Variants in APC2 observed in about 807,000 individuals in gnomAD.
APC2 encodes the protein APC regulator of Wnt signaling pathway 2.
A neutral mutation model predicts 72.5 loss-of-function variants in APC2; 41 were observed. The ratio of observed to expected loss-of-function variants is 0.57; its 90% CI spans 0.44 to 0.73. APC2 has a LOEUF of 0.73. APC2 is among the 30% of genes least tolerant of loss of function. APC2 has a pLI of 0.00. For synonymous variants in APC2, 1,898 were observed against 1,612.0 expected, an observed-to-expected ratio of 1.18 and a Z score of -4.25; for missense variants, 3,729 against 3,403.4, an observed-to-expected ratio of 1.10 and a Z score of -2.38.
rs370778311 is a variant in APC2, at chr19:1,468,956, C to T, written c.5655C>T (p.Pro1885=). 3.2e-4 allele frequency: 493 copies of T among 1,556,238 alleles called. No individual in the cohort carries two copies. The highest frequency in any genetic ancestry group is 1.9e-3 in the Middle Eastern group (10 of 5,210). ...SSSQTSPASQ[P]LPRKRPPVTQ... is the part of the protein sequence containing the mutation. ...CCCAGACCTCGCCCGCCTCCCAGCC[C>T]CTGCCCAGAAAGCGCCCCCCGGTCA... is the stretch of plus-strand genomic sequence containing the variant. The change falls in exon 15 of 15, where the codon CCC becomes CCT. Residue 1885 remains proline (P), a synonymous_variant. Transcript: ENST00000590469.
Position 1,465,549 on chromosome 19 carries a change from G to A in APC2, c.2248G>A (p.Ala750Thr). The change falls in exon 15 of 15, where the codon GCC (alanine) becomes ACC (threonine). Residue 750 changes from alanine to threonine, a missense_variant. By Grantham distance (58) the Ala-to-Thr change is moderately conservative (BLOSUM62 0). Transcript: ENST00000590469. ...CCTGGAGAAGCAGGGCCCGCCGGCAGCCGAGGCCGCCACTAAGAAGCCGCT... is the reference window on the plus strand; with the variant it reads ...CCTGGAGAAGCAGGGCCCGCCGGCAACCGAGGCCGCCACTAAGAAGCCGCT... ...EHLEKQGPPA[A>T]EAATKKPLPP... is the part of the protein sequence containing the mutation. The A allele has an allele frequency of 6.5e-7, 1 of 1,536,238 alleles. No individual in the cohort carries two copies. Among genetic ancestry groups the A allele is most frequent in the South Asian group, 1.2e-5 (1 of 83,130 alleles).
intron 14 of APC2, 136 bp downstream of exon 14, chr19:1,462,313 C>A (rs1477719317): frequency 1.3e-6 from 1 of 785,142 alleles, no homozygotes; most frequent in Non-Finnish European, 2.0e-6. Context: ...ATAAATACGT[C>A]CCAAATACTG....
chr19:1,467,053 G>T lies in APC2; in HGVS notation c.3752G>T (p.Arg1251Leu). ...LDIADCRERC[R>L]LPSELDAGSV... ...ATCGCCGACTGCCGGGAGCGCTGCC[G>T]GCTGCCATCTGAGCTGGACGCAGGC... The change falls in exon 15 of 15, where the codon CGG becomes CTG. Residue 1251 changes from arginine (R) to leucine (L), a missense_variant. Coordinates refer to ENST00000590469, the MANE Select transcript of APC2 (RefSeq NM_005883.3). 6.2e-7 allele frequency: 1 copy of T among 1,611,826 alleles called. No homozygotes were observed. The highest frequency in any genetic ancestry group is 8.5e-7 in the Non-Finnish European group (1 of 1,179,676).
rs764984836 is a variant in APC2, at chr19:1,468,022, C to T, written c.4721C>T (p.Pro1574Leu). The T allele has an allele frequency of 1.9e-6, 3 of 1,585,366 alleles. No homozygotes were observed. The highest frequency in any genetic ancestry group is 1.7e-6 in the Non-Finnish European group (2 of 1,174,632). The change falls in exon 15 of 15, where the codon CCG becomes CTG. Residue 1574 changes from proline (P) to leucine (L), a missense_variant. By Grantham distance (98) the Pro-to-Leu change is moderately conservative. Transcript: ENST00000590469. ...TQPSLIADETPPCYSLSSSAS... is the reference protein window; with the variant it reads ...TQPSLIADETLPCYSLSSSAS... ...CCCAGCCTCATTGCTGACGAGACCC[C>T]GCCCTGCTACTCCCTGAGCTCCTCC... is the stretch of plus-strand genomic sequence containing the variant.
intron 14 of APC2, 67 bp downstream of exon 14, chr19:1,462,244 G>C: frequency 2.1e-6 from 3 of 1,425,290 alleles, no homozygotes; most frequent in Non-Finnish European, 2.8e-6. Context: ...GCTGGGCTGG[G>C]CACTGTCCTC....
At position 1,469,284 on chromosome 19, in the gene APC2, C is replaced by T; in HGVS notation, c.5983C>T (p.Leu1995=). 1 of 1,423,600 alleles carries T rather than the reference C, an allele frequency of 7.0e-7. No homozygotes were observed. Among genetic ancestry groups the T allele is most frequent in the East Asian group, 3.4e-5 (1 of 29,464 alleles). 88.2% of individuals were successfully genotyped at this position (1,423,600 alleles called of 1,614,324 possible). ...SSDRSGFRRQ[L]TFIKESPGLR... is the part of the protein sequence containing the mutation. Reference sequence around the variant, plus strand: ...CGACCGCTCGGGCTTCCGGCGACAGCTAACCTTCATCAAGGAGTCGCCGGG... The same window carrying T: ...CGACCGCTCGGGCTTCCGGCGACAGTTAACCTTCATCAAGGAGTCGCCGGG... Residue 1995 remains leucine, a synonymous_variant, in exon 15 of 15, where the codon CTA becomes TTA. Transcript: ENST00000590469.
At chr19:1,463,416 CAA>C (rs77093731) in intron 14 of APC2, among the ~76,000 whole-genome samples, 15 of 98,548 alleles carry the variant, frequency 1.5e-4, no homozygotes, top group Admixed American at 3.4e-4. Context: ...GACTCTGTCT[CAA>C]AAAAAAAAAA....
intron 14 of APC2, among the ~76,000 whole-genome samples, chr19:1,464,322 A>T (rs2083971209): frequency 6.6e-6 from 1 of 152,072 alleles, no homozygotes; most frequent in Admixed American, 6.6e-5. Flanking sequence ...AAAAAAAAAA[A>T]TTATTAAAAT....
At chr19:1,464,781 C>G (rs1244169712) in intron 14 of APC2, among the ~76,000 whole-genome samples, 3 of 151,376 alleles carry the variant, frequency 2.0e-5, no homozygotes, top group South Asian at 2.1e-4. Context: ...TACAGGTGCT[C>G]GCCACCACAC....
rs1306855898 is a variant in APC2 at position 1,458,009 on chromosome 19, G to A, written c.1252G>A (p.Val418Ile). The A allele has an allele frequency of 3.2e-6, 5 of 1,567,344 alleles. No individual in the cohort carries two copies. The highest frequency in any genetic ancestry group is 3.8e-5 in the Admixed American group (2 of 52,524). ...EPQICQATCA[V>I]MKLSFDEEYR... ...GCAGATCTGCCAGGCCACCTGTGCT[G>A]TTATGAAGCTGTCCTTTGATGAGGA... Residue 418 changes from valine to isoleucine, a missense_variant, in exon 10 of 15, where the codon GTT becomes ATT. Physicochemically the swap from Val to Ile is conservative, Grantham distance 29 (BLOSUM62 3). Transcript: ENST00000590469.
upstream of APC2, among the ~76,000 whole-genome samples, chr19:1,447,449 C>A (rs111747154): frequency 2.2e-4 from 33 of 152,236 alleles, no homozygotes; most frequent in African/African-American, 7.5e-4. Context: ...CCCTTTAGCC[C>A]AGCAGCAGTA....
At position 1,468,988 on chromosome 19, in the gene APC2, C is replaced by T. The variant is rs768481261; in HGVS notation, c.5687C>T (p.Ala1896Val). The part of the protein sequence containing the change: ...LPRKRPPVTQ[A>V]AGALPGPGAS... ...AGAAAGCGCCCCCCGGTCACCCAGGCTGCTGGGGCCCTGCCCGGCCCCGGA... is the reference window on the plus strand; with the variant it reads ...AGAAAGCGCCCCCCGGTCACCCAGGTTGCTGGGGCCCTGCCCGGCCCCGGA... Residue 1896 changes from alanine to valine, a missense_variant, in exon 15 of 15, where the codon GCT becomes GTT. Transcript: ENST00000590469. 1.3e-6 allele frequency: 2 copies of T among 1,560,494 alleles called. No individual in the cohort carries two copies. Among genetic ancestry groups the T allele is most frequent in the Non-Finnish European group, 1.7e-6 (2 of 1,158,232 alleles).
rs918766706 is a variant in APC2 at position 1,469,378 on chromosome 19, C to G, written c.6077C>G (p.Pro2026Arg). ...SAASAPQGAS[P>R]RRGRPALPAV... The stretch of plus-strand genomic sequence containing the variant: ...GCCTCTGCCCCCCAGGGCGCCTCGC[C>G]CCGCCGCGGCCGGCCCGCGCTGCCC... The change falls in exon 15 of 15, where the codon CCC becomes CGC. Residue 2026 changes from proline to arginine, a missense_variant. Transcript: ENST00000590469. 6 of 1,231,734 alleles carry G rather than the reference C, an allele frequency of 4.9e-6. No individual in the cohort carries two copies. In the African/African-American group the frequency reaches 9.6e-5, roughly 20 times the overall value. 76.3% of individuals were successfully genotyped at this position (1,231,734 alleles called of 1,614,324 possible).
In APC2 at chr19:1,456,116, T is replaced by C. The variant is rs1384148101; in HGVS notation, c.680T>C (p.Leu227Pro). The C allele has an allele frequency of 3.1e-6, 5 of 1,592,236 alleles. No individual in the cohort carries two copies. The highest frequency in any genetic ancestry group is 4.3e-6 in the Non-Finnish European group (5 of 1,171,850). ...CTGGAGCAGATTGACAAGGAGCTGCTGGAGGCGCAGGACCGAGTGCAGCAG... is the reference window on the plus strand; with the variant it reads ...CTGGAGCAGATTGACAAGGAGCTGCCGGAGGCGCAGGACCGAGTGCAGCAG... ...SRLEQIDKELLEAQDRVQQTE... is the reference protein window; with the variant it reads ...SRLEQIDKELPEAQDRVQQTE... Residue 227 changes from leucine to proline, a missense_variant, in exon 7 of 15, where the codon CTG becomes CCG. By Grantham distance (98) the Leu-to-Pro change is moderately conservative. Coordinates refer to ENST00000590469, the MANE Select transcript of APC2 (RefSeq NM_005883.3).
At position 1,460,834 on chromosome 19, in the gene APC2, T is replaced by A; in HGVS notation, c.1498T>A (p.Ser500Thr). The change falls in exon 12 of 15, where the codon TCC (serine) becomes ACC (threonine). Residue 500 changes from serine (S) to threonine (T), a missense_variant. Transcript: ENST00000590469. ...CMEAIVAQLASDSEELHQVVS... is the reference protein window; with the variant it reads ...CMEAIVAQLATDSEELHQVVS... ...GGAGGCCATCGTGGCCCAGCTGGCC[T>A]CCGACAGTGAGGAGCTCCACCAGGT... 1 of 1,613,158 alleles carries A rather than the reference T, an allele frequency of 6.2e-7. No homozygotes were observed. The highest frequency in any genetic ancestry group is 8.5e-7 in the Non-Finnish European group (1 of 1,179,948).
intron 13 of APC2, 100 bp from the exon 14 acceptor site, chr19:1,461,863 A>AT: frequency 9.6e-7 from 1 of 1,038,286 alleles, no homozygotes; most frequent in South Asian, 1.7e-5. Context: ...AAAAAAAAAA[A>AT]CAAAAAACAA....
In APC2 at chr19:1,459,473, C is replaced by G. The variant is rs765953337; in HGVS notation, c.1304-708C>G. Among the ~76,000 whole-genome samples, 6 of 152,180 alleles carry G rather than the reference C, an allele frequency of 3.9e-5. No homozygotes were observed. The South Asian group carries it at 1.2e-3, about 32-fold the overall frequency. ...TCCTATGGATGCTCTAGCTGCCCCC[C>G]ACTCCTGGCTCTGTGAATCGTGCTG... On this transcript the variant is annotated intron_variant, in intron 10 of 14. Transcript: ENST00000590469.
At position 1,466,380 on chromosome 19, in the gene APC2, A is replaced by C. The variant is rs1362932233; in HGVS notation, c.3079A>C (p.Lys1027Gln). 1 of 1,589,002 alleles carries C rather than the reference A, an allele frequency of 6.3e-7. No individual in the cohort carries two copies. The highest frequency in any genetic ancestry group is 1.7e-5 in the Admixed American group (1 of 59,160). The change falls in exon 15 of 15, where the codon AAG becomes CAG. Residue 1027 changes from lysine to glutamine, a missense_variant. By Grantham distance (53) the Lys-to-Gln change is moderately conservative (BLOSUM62 1). Coordinates refer to ENST00000590469, the MANE Select transcript of APC2 (RefSeq NM_005883.3). Reference sequence around the variant, plus strand: ...GCCTGGAATCTCTCCAGGGGCCCGGAAGCAGGCCTGGCTGCCGGCAGACCA... The same window carrying C: ...GCCTGGAATCTCTCCAGGGGCCCGGCAGCAGGCCTGGCTGCCGGCAGACCA... ...AGPGISPGAR[K>Q]QAWLPADHLS...
intron 14 of APC2, among the ~76,000 whole-genome samples, chr19:1,462,794 C>T (rs10411353): frequency 0.13 from 18,508 of 140,770 alleles, 3,748 homozygotes; most frequent in African/African-American, 0.44. Context: ...CACGGTGAAA[C>T]CCCCATCTCT....
Sources: allele counts gnomAD v4.1 joint callset (sites outside exome capture counted in the v4.1 genomes callset), GRCh38; gene constraint gnomAD v4.1.1; transcripts MANE v1.5; gene names NCBI Gene and HGNC (gene_info 2026-07-23, HGNC 2026-07-21).